The following DPY19L4 variants were observed in gnomAD, a reference collection of about 807,000 sequenced individuals.
DPY19L4 encodes probable C-mannosyltransferase DPY19L4.
A neutral mutation model predicts 102.8 loss-of-function variants in DPY19L4; 97 were observed. That is an observed-to-expected ratio of 0.94 (90% confidence interval 0.80 to 1.12). The LOEUF (loss-of-function observed/expected upper bound fraction) is 1.12, where lower values mean the gene tolerates loss of function less well. Ranked by LOEUF, DPY19L4 falls within the 50% of genes most tolerant of loss-of-function variation. The pLI is 0.00. For synonymous variants in DPY19L4, 252 were observed against 283.1 expected (o/e 0.89, Z 1.10); for missense variants, 815 against 850.4 (o/e 0.96, Z 0.52).
rs1488055404 is a variant in DPY19L4 at position 94,772,101 on chromosome 8, G to A, written c.1454+1530G>A. Among the ~76,000 whole-genome samples, 3 of 151,450 alleles carry A rather than the reference G, an allele frequency of 2.0e-5. No individual in the cohort carries two copies. In the East Asian group the frequency reaches 5.8e-4, roughly 29 times the overall value. ...AGTCTTTAGTTTTTAAACTTCCCTT[G>A]TTCCTGCTTCTATAGAAAATCATGC... On this transcript the variant is annotated intron_variant, in intron 13 of 18. Transcript: ENST00000414645.
intron 2 of DPY19L4, among the ~76,000 whole-genome samples, chr8:94,730,443 C>G (rs1189778628): frequency 2.0e-5 from 3 of 152,044 alleles, no homozygotes; most frequent in Non-Finnish European, 1.5e-5. Flanking sequence ...TGACTCCTTA[C>G]AAAAGTAAAA....
At position 94,783,662 on chromosome 8, in the gene DPY19L4, C is replaced by A; in HGVS notation, c.1716-8C>A. ...TTTCAGTGTGCAAATCTTTATGGTT[C>A]TTTGCAGAAGGCAAGCTCCAGTTGC... On this transcript the variant is annotated splice_region_variant and splice_polypyrimidine_tract_variant and intron_variant, in intron 16 of 18. Coordinates refer to ENST00000414645, the MANE Select transcript of DPY19L4 (RefSeq NM_181787.3). 1 of 1,613,010 alleles carries A rather than the reference C, an allele frequency of 6.2e-7. No individual in the cohort carries two copies. Among genetic ancestry groups the A allele is most frequent in the South Asian group, 1.1e-5 (1 of 90,874 alleles).
intron 12 of DPY19L4, 29 bp from the exon 13 acceptor site, chr8:94,770,423 G>A: frequency 6.3e-7 from 1 of 1,583,046 alleles, no homozygotes. Flanking sequence ...CATTTTCAAA[G>A]TATTAAAAAA....
intron 16 of DPY19L4, 58 bp from the exon 17 acceptor site, chr8:94,783,612 A>G (rs1286252320): frequency 1.3e-6 from 2 of 1,574,986 alleles, no homozygotes; most frequent in African/African-American, 2.7e-5. Context: ...GATATAGATC[A>G]GTGATCTAAA....
At chr8:94,747,367 T>C (rs1811721432) in intron 6 of DPY19L4, among the ~76,000 whole-genome samples, 2 of 151,428 alleles carry the variant, frequency 1.3e-5, no homozygotes, top group Non-Finnish European at 2.9e-5. Flanking sequence ...GTTTTGTTTT[T>C]ATTTGGCAAT....
chr8:94,760,243 A>G (rs985936251), intron 7 of DPY19L4, among the ~76,000 whole-genome samples: 2 of 152,254 alleles, frequency 1.3e-5, no homozygotes, highest in African/African-American at 4.8e-5. Flanking sequence ...CCAGAATCTC[A>G]GAAGCAATCT....
intron 17 of DPY19L4, among the ~76,000 whole-genome samples, chr8:94,784,241 T>C (rs991538000): frequency 4.0e-5 from 6 of 151,824 alleles, no homozygotes; most frequent in African/African-American, 1.5e-4. Context: ...GCTAACATTT[T>C]TTTAATTCAC....
chr8:94,761,668 G>T, intron 7 of DPY19L4, 32 bp from the exon 8 acceptor site: 1 of 1,549,700 alleles, frequency 6.5e-7, no homozygotes, highest in Non-Finnish European at 8.7e-7. Flanking sequence ...TAAAGTTATT[G>T]ATATTTAGTT....
At chr8:94,726,254 A>G in intron 1 of DPY19L4, 77 bp from the exon 2 acceptor site, 2 of 1,200,480 alleles carry the variant, frequency 1.7e-6, no homozygotes, top group Non-Finnish European at 2.3e-6. Flanking sequence ...CTTTAGAATA[A>G]TAAAGGTTAA....
chr8:94,755,077 C>CTGACCTGTAAT (rs1201142164), intron 6 of DPY19L4, among the ~76,000 whole-genome samples: 2 of 152,150 alleles, frequency 1.3e-5, no homozygotes, highest in East Asian at 3.9e-4. Flanking sequence ...CATGATCCAC[C>CTGACCTGTAAT]GTGCCCGGCC....
chr8:94,779,231 A>AAC (rs879478341), intron 14 of DPY19L4, among the ~76,000 whole-genome samples: 1 of 150,752 alleles, frequency 6.6e-6, no homozygotes, highest in Non-Finnish European at 1.5e-5. Flanking sequence ...AAAAAAAAAA[A>AAC]CCAAGGCTTT....
chr8:94,770,708 C>T (rs1168036363), intron 13 of DPY19L4, 137 bp downstream of exon 13: 3 of 1,078,002 alleles, frequency 2.8e-6, no homozygotes, highest in Non-Finnish European at 4.0e-6. Context: ...GACAGTGTGA[C>T]TCTGTCAACA....
At chr8:94,774,057 A>G (rs1166995020) in intron 13 of DPY19L4, among the ~76,000 whole-genome samples, 1 of 150,376 alleles carries the variant, frequency 6.6e-6, no homozygotes, top group African/African-American at 2.4e-5. Context: ...AAAAAAAAAA[A>G]AAAAAAGACA....
At chr8:94,781,574 G>A (rs1294919122) in intron 16 of DPY19L4, among the ~76,000 whole-genome samples, 2 of 152,162 alleles carry the variant, frequency 1.3e-5, no homozygotes, top group Non-Finnish European at 2.9e-5. Context: ...TTAGGCCTAT[G>A]GAAGCAGGGA....
intron 6 of DPY19L4, among the ~76,000 whole-genome samples, chr8:94,746,865 C>A (rs921054832): frequency 1.3e-5 from 2 of 152,008 alleles, no homozygotes; most frequent in African/African-American, 4.8e-5. Context: ...CAGGTTCATT[C>A]GTTTCTTTTC....
chr8:94,757,391 A>T (rs947973705), intron 7 of DPY19L4, among the ~76,000 whole-genome samples: 3 of 152,104 alleles, frequency 2.0e-5, no homozygotes, highest in Non-Finnish European at 2.9e-5. Flanking sequence ...TTGTATAAAG[A>T]TCTTTCTGCA....
intron 6 of DPY19L4, 94 bp from the exon 7 acceptor site, chr8:94,755,942 A>G: frequency 7.6e-7 from 1 of 1,310,988 alleles, no homozygotes; most frequent in Non-Finnish European, 1.0e-6. Flanking sequence ...ATTGTTATGG[A>G]GAACAATGAG....
chr8:94,791,123 T>C lies in DPY19L4; in HGVS notation c.*1213T>C, dbSNP rs1813869270. On this transcript the variant is annotated 3_prime_UTR_variant, in exon 19 of 19. Transcript: ENST00000414645. ...TTGGGATACATGTTTAGTTTTTCCT[T>C]ATATTCCTGTTCAGTGAACAGATTT... is the stretch of plus-strand genomic sequence containing the variant. 6.6e-6 allele frequency: 1 copy of C among 152,166 alleles called. No individual in the cohort carries two copies. The highest frequency in any genetic ancestry group is 1.5e-5 in the Non-Finnish European group (1 of 67,972). The allele number at this position is 152,166 out of a possible 1,614,324, so 9.4% of individuals were successfully genotyped here. A position where few individuals can be genotyped will look rare whatever the true frequency, so the allele number is the denominator to read the frequency against.
intron 13 of DPY19L4, among the ~76,000 whole-genome samples, chr8:94,773,336 C>A (rs1267795833): frequency 6.7e-6 from 1 of 149,206 alleles, no homozygotes; most frequent in Non-Finnish European, 1.5e-5. Flanking sequence ...GAAAATGTTA[C>A]CATCTTTAGA....
Sources: allele counts gnomAD v4.1 joint callset (sites outside exome capture counted in the v4.1 genomes callset), GRCh38; gene constraint gnomAD v4.1.1; transcripts MANE v1.5; gene names NCBI Gene and HGNC (gene_info 2026-07-23, HGNC 2026-07-21).